RBM4: variants seen among roughly 807,000 people sequenced by gnomAD.
The protein encoded by RBM4 is RNA-binding protein 4.
RBM4 carries 7 observed loss-of-function variants against 29.5 expected under a neutral mutation model. The ratio of observed to expected loss-of-function variants is 0.24; its 90% CI spans 0.14 to 0.45. The LOEUF (loss-of-function observed/expected upper bound fraction) is 0.45. Ranked by LOEUF, RBM4 falls within the 20% of genes least tolerant of loss-of-function variation. The pLI is 1.00. For missense variants in RBM4, 387 were observed against 502.3 expected, an observed-to-expected ratio of 0.77 and a Z score of 2.19; for synonymous variants, 220 against 205.4, an observed-to-expected ratio of 1.07 and a Z score of -0.61.
chr11:66,663,452 C>T (rs1462647891), intron 2 of RBM4, among the ~76,000 whole-genome samples: 1 of 152,094 alleles, frequency 6.6e-6, no homozygotes, highest in Non-Finnish European at 1.5e-5. Flanking sequence ...GCAACCTCTG[C>T]CTCCTTGGTT....
exon 3 of RBM4, chr11:66,667,724 G>A (rs1358036046): frequency 1.3e-5 from 2 of 149,826 alleles, no homozygotes; most frequent in African/African-American, 2.5e-5. Flanking sequence ...AAATAAAGGA[G>A]AGACAGTCTC....
Position 66,644,776 on chromosome 11 carries a change from T to C in RBM4, c.*8+636T>C, listed in dbSNP as rs1424282693. ...GGGGTAGAGAGAAATACAAAACTTA[T>C]CTTTTATAAAGTTCCACAAGGAAGT... On this transcript the variant is annotated intron_variant, in intron 3 of 3. Coordinates refer to ENST00000310092, the MANE Select transcript of RBM4 (RefSeq NM_002896.4). 1.6e-5 allele frequency: 14 copies of C among 857,200 alleles called. No individual in the cohort carries two copies. In the Admixed American group the frequency reaches 3.7e-4, roughly 23 times the overall value. The allele number at this position is 857,200 out of a possible 1,614,324, so 53.1% of individuals were successfully genotyped here.
rs1938617270 is a variant in RBM4, at chr11:66,644,715, C to T, written c.*8+575C>T. On this transcript the variant is annotated intron_variant, in intron 3 of 3. Coordinates refer to ENST00000310092, the MANE Select transcript of RBM4 (RefSeq NM_002896.4). ...TCTGACATTCCTGAACCGTTCAACCCTTATGAGTTTTATAGAACTTATTTG... is the reference window on the plus strand; with the variant it reads ...TCTGACATTCCTGAACCGTTCAACCTTTATGAGTTTTATAGAACTTATTTG... The T allele has an allele frequency of 9.2e-6, 9 of 974,756 alleles. No homozygotes were observed. The South Asian group carries it at 1.4e-4, about 15-fold the overall frequency. The allele number at this position is 974,756 out of a possible 1,614,324, so 60.4% of individuals were successfully genotyped here.
At chr11:66,644,167 C>G in intron 3 of RBM4, 27 bp downstream of exon 3, 1 of 1,581,008 alleles carries the variant, frequency 6.3e-7, no homozygotes, top group Non-Finnish European at 8.6e-7. Context: ...GTTCCCTCTT[C>G]TGGTTTTGCC....
At chr11:66,657,411 G>A (rs1015026953) in intron 2 of RBM4, among the ~76,000 whole-genome samples, 3 of 151,722 alleles carry the variant, frequency 2.0e-5, no homozygotes, top group African/African-American at 4.8e-5. Context: ...GGCCGGGCGC[G>A]GTGGCTCACA....
At chr11:66,645,113 T>C (rs1343727110) in intron 3 of RBM4, among the ~76,000 whole-genome samples, 1 of 152,174 alleles carries the variant, frequency 6.6e-6, no homozygotes, top group Non-Finnish European at 1.5e-5. Context: ...CTAGCTGTTT[T>C]GGGCATTTAA....
chr11:66,643,778 G>C lies in RBM4; in HGVS notation c.741G>C (p.Gln247His). 1 of 1,614,004 alleles carries C rather than the reference G, an allele frequency of 6.2e-7. No homozygotes were observed. Among genetic ancestry groups the C allele is most frequent in the Middle Eastern group, 1.6e-4 (1 of 6,062 alleles). The change falls in exon 3 of 4, where the codon CAG (glutamine) becomes CAC (histidine). Residue 247 changes from glutamine to histidine, a missense_variant. By Grantham distance (24) the Gln-to-His change is conservative (BLOSUM62 0). Transcript: ENST00000310092. The surrounding 1 kb of genome is among the most constrained non-coding windows in gnomAD (Gnocchi z 6.1). ...CCTCCGTGTATAATTACGCAGAGCA[G>C]ACCCTGTCCCAGCTGCCACAAGTCC... The part of the protein sequence containing the change: ...AAASVYNYAE[Q>H]TLSQLPQVQN...
In RBM4 at chr11:66,639,868, C is replaced by T. The variant is rs1244165409; in HGVS notation, c.157C>T (p.Arg53Cys). 2 of 1,614,074 alleles carry T rather than the reference C, an allele frequency of 1.2e-6. No homozygotes were observed. The highest frequency in any genetic ancestry group is 3.3e-5 in the Admixed American group (2 of 60,010). ...CAAGACGGCAGCTGAGGATGCCATACGCAACCTGCACCATTACAAGCTTCA... is the reference window on the plus strand; with the variant it reads ...CAAGACGGCAGCTGAGGATGCCATATGCAACCTGCACCATTACAAGCTTCA... ...EDKTAAEDAI[R>C]NLHHYKLHGV... The change falls in exon 2 of 4, where the codon CGC (arginine) becomes TGC (cysteine). Residue 53 changes from arginine (R) to cysteine (C), a missense_variant. Around this residue, in one of 2 missense-constraint regions of RBM4, gnomAD observed 106 missense variants for 213.6 expected, o/e 0.50. Transcript: ENST00000310092.
intron 2 of RBM4, among the ~76,000 whole-genome samples, chr11:66,663,385 G>A (rs996736146): frequency 6.6e-6 from 1 of 152,140 alleles, no homozygotes; most frequent in East Asian, 1.9e-4. Flanking sequence ...ATTTTTTTGA[G>A]ATGGAGTCTC....
At chr11:66,663,196 C>A (rs1323977952) in intron 2 of RBM4, among the ~76,000 whole-genome samples, 1 of 152,036 alleles carries the variant, frequency 6.6e-6, no homozygotes, top group South Asian at 2.1e-4. Context: ...AATAAGATGT[C>A]CATAATCTAG....
chr11:66,663,669 A>C (rs2135220491), intron 2 of RBM4, among the ~76,000 whole-genome samples: 1 of 151,758 alleles, frequency 6.6e-6, no homozygotes, highest in Middle Eastern at 3.4e-3. Flanking sequence ...AACACTGGAG[A>C]GGGGTGGTAA....
At chr11:66,661,593 AAC>A (rs1565088480) in intron 2 of RBM4, among the ~76,000 whole-genome samples, 1 of 152,216 alleles carries the variant, frequency 6.6e-6, no homozygotes, top group Non-Finnish European at 1.5e-5. Context: ...TAGGAATTCA[AAC>A]AGTTGATAAA....
At chr11:66,654,523 A>G (rs1938902367) in intron 2 of RBM4, among the ~76,000 whole-genome samples, 3 of 151,894 alleles carry the variant, frequency 2.0e-5, no homozygotes, top group South Asian at 4.2e-4. Context: ...TATTTTTGAG[A>G]CAAGGTCTCA....
At chr11:66,639,508 C>A (rs1484691017) in intron 1 of RBM4, 192 bp from the exon 2 acceptor site, 3 of 710,630 alleles carry the variant, frequency 4.2e-6, no homozygotes, top group Non-Finnish European at 6.8e-6. Context: ...TCTTCTTATT[C>A]TTACAGGTTC....
chr11:66,657,711 A>G (rs1481780847), intron 2 of RBM4, among the ~76,000 whole-genome samples: 1 of 145,658 alleles, frequency 6.9e-6, no homozygotes, highest in Non-Finnish European at 1.5e-5. Context: ...AAAAAAAATT[A>G]TAGGCATGAG....
chr11:66,644,313 A>G (rs1452454797), intron 3 of RBM4, 173 bp downstream of exon 3: 9 of 921,748 alleles, frequency 9.8e-6, no homozygotes, highest in Admixed American at 3.3e-5. Context: ...AAATACATAG[A>G]GTTCCTTGGC....
At chr11:66,645,983 TTTTGAGC>T in intron 3 of RBM4, 37 bp from the exon 4 acceptor site, 1 of 1,535,914 alleles carries the variant, frequency 6.5e-7, no homozygotes, top group East Asian at 2.4e-5. Flanking sequence ...GGGAAAGCCC[TTTTGAGC>T]TTTGCTGTAA....
rs1193724959 is a variant in RBM4 at position 66,642,862 on chromosome 11, CTTG to C, written c.413-583_413-581del. ...GTTAAGGGAGAAGTCTGTCCTTCAA[CTTG>C]TTGTGCCCCTCTGTCTCCCCAGTTC... On this transcript the variant is annotated intron_variant, in intron 2 of 3. Transcript: ENST00000310092. 5.9e-5 allele frequency among the ~76,000 whole-genome samples: 9 copies of C among 152,254 alleles called. No individual in the cohort carries two copies. In the East Asian group the frequency reaches 7.8e-4, roughly 13 times the overall value.
intron 2 of RBM4, among the ~76,000 whole-genome samples, chr11:66,658,030 A>ATT (rs928249055): frequency 1.6e-5 from 2 of 123,924 alleles, no homozygotes; most frequent in African/African-American, 6.1e-5. Context: ...CTTTTTTAAA[A>ATT]TTTTTTTTTT....
Sources: allele counts gnomAD v4.1 joint callset (sites outside exome capture counted in the v4.1 genomes callset), GRCh38; gene constraint gnomAD v4.1.1; regional missense constraint gnomAD v4.1.1; non-coding constraint Gnocchi (gnomAD v3.1); transcripts MANE v1.5; gene names NCBI Gene and HGNC (gene_info 2026-07-23, HGNC 2026-07-21).